The following KIF1B variants were observed in gnomAD, a reference collection of about 807,000 sequenced individuals.
KIF1B encodes the protein kinesin family member 1B.
A neutral mutation model predicts 241.9 loss-of-function variants in KIF1B; 76 were observed. That is an observed-to-expected ratio of 0.31 (90% CI 0.26 to 0.38). The LOEUF is 0.38. Ranked by LOEUF, KIF1B falls within the 10% of genes least tolerant of loss-of-function variation. KIF1B has a pLI of 1.00. For synonymous variants in KIF1B, 750 were observed against 796.7 expected (o/e 0.94, Z 0.99); for missense variants, 1,622 against 2,271.4 (o/e 0.71, Z 5.81).
chr1:10,373,714 GTCT>G (rs1364723148), intron 45 of KIF1B, among the ~76,000 whole-genome samples: 1 of 152,176 alleles, frequency 6.6e-6, no homozygotes, highest in East Asian at 1.9e-4. Flanking sequence ...AGTGGTGCAG[GTCT>G]TCTCTGCACA....
rs1426836510 is a variant in KIF1B, at chr1:10,303,407, A to G, written c.2115+6161A>G. On this transcript the variant is annotated intron_variant, in intron 22 of 48. Transcript: ENST00000676179. The surrounding 1 kb of genome is among the most constrained non-coding windows in gnomAD (Gnocchi z 5.2). Reference sequence around the variant, plus strand: ...TCAGATCTTAAAATTCAGGCTGTCAAAGAGATTTGCTATGAGGTTGCTCTC... The same window carrying G: ...TCAGATCTTAAAATTCAGGCTGTCAGAGAGATTTGCTATGAGGTTGCTCTC... 12 of 1,614,222 alleles carry G rather than the reference A, an allele frequency of 7.4e-6. No homozygotes were observed. Among genetic ancestry groups the G allele is most frequent in the Non-Finnish European group, 1.0e-5 (12 of 1,180,044 alleles).
intron 14 of KIF1B, among the ~76,000 whole-genome samples, chr1:10,279,686 TTCC>T (rs1649304656): frequency 7.6e-6 from 1 of 131,738 alleles, no homozygotes; most frequent in Non-Finnish European, 1.6e-5. Context: ...TAAACGTTTT[TTCC>T]TTTTTTTTTT....
Position 10,295,703 on chromosome 1 carries a change from A to G in KIF1B, c.1714A>G (p.Ser572Gly). The G allele has an allele frequency of 6.2e-7, 1 of 1,613,904 alleles. No individual in the cohort carries two copies. Among genetic ancestry groups the G allele is most frequent in the Non-Finnish European group, 8.5e-7 (1 of 1,179,954 alleles). Residue 572 changes from serine (S) to glycine (G), a missense_variant, in exon 19 of 49, where the codon AGC (serine) becomes GGC (glycine). By Grantham distance (56) the Ser-to-Gly change is moderately conservative. Transcript: ENST00000676179. Reference protein sequence around the residue: ...DAERRQDIVLSGAHIKEEHCI... With the variant: ...DAERRQDIVLGGAHIKEEHCI... The stretch of plus-strand genomic sequence containing the variant: ...TGAGCGGCGCCAGGACATAGTGCTG[A>G]GCGGGGCTCACATTAAAGAAGAGCA...
At chr1:10,265,712 T>G (rs1347423466) in intron 5 of KIF1B, among the ~76,000 whole-genome samples, 5 of 151,978 alleles carry the variant, frequency 3.3e-5, no homozygotes, top group African/African-American at 1.2e-4. Context: ...TAGCTAGGCA[T>G]GGTGGCACGT....
intron 16 of KIF1B, among the ~76,000 whole-genome samples, chr1:10,291,700 ACT>A (rs1395851560): frequency 1.4e-5 from 2 of 144,272 alleles, no homozygotes; most frequent in East Asian, 2.0e-4. Flanking sequence ...TGACAGCAAG[ACT>A]CTGTCTCAAA....
At chr1:10,332,654 T>TA (rs1174049209) in intron 27 of KIF1B, among the ~76,000 whole-genome samples, 14 of 147,274 alleles carry the variant, frequency 9.5e-5, no homozygotes, top group Admixed American at 1.4e-4. Flanking sequence ...TAGCTGGGAC[T>TA]ACAGGCGCCT....
At chr1:10,323,715 T>C (rs535177487) in intron 24 of KIF1B, among the ~76,000 whole-genome samples, 169 bp from the exon 25 acceptor site, 1 of 152,302 alleles carries the variant, frequency 6.6e-6, no homozygotes, top group African/African-American at 2.4e-5. Context: ...GAAGTTAGGG[T>C]TATTCCCTAT....
intron 25 of KIF1B, among the ~76,000 whole-genome samples, 197 bp from the exon 26 acceptor site, chr1:10,324,561 C>G (rs1651652084): frequency 6.6e-6 from 1 of 151,974 alleles, no homozygotes. Context: ...GATGGCTTAT[C>G]TCTAGAATCA....
Position 10,375,220 on chromosome 1 carries a change from AG to A in KIF1B, c.5290-34del, listed in dbSNP as rs750454501. Reference sequence around the variant, plus strand: ...AGGCAGTCCCCATTGCTGTCTCTGTAGTAACTTTCTTGTCTACCTGCATTTT... The same window carrying A: ...AGGCAGTCCCCATTGCTGTCTCTGTATAACTTTCTTGTCTACCTGCATTTT... On this transcript the variant is annotated intron_variant, in intron 47 of 48. Transcript: ENST00000676179. The A allele has an allele frequency of 2.3e-5, 36 of 1,569,878 alleles. No homozygotes were observed. In the East Asian group the frequency reaches 8.1e-4, roughly 35 times the overall value.
At chr1:10,279,173 C>T (rs1431825271) in intron 14 of KIF1B, 35 bp downstream of exon 14, 1 of 1,420,036 alleles carries the variant, frequency 7.0e-7, no homozygotes, top group East Asian at 2.5e-5. Flanking sequence ...TTCCAGTACT[C>T]TGACTTGCTA....
chr1:10,277,633 G>A (rs922839544), intron 12 of KIF1B, among the ~76,000 whole-genome samples: 3 of 152,186 alleles, frequency 2.0e-5, no homozygotes, highest in Non-Finnish European at 4.4e-5. Flanking sequence ...GCTGCCTCCC[G>A]AGGCCTGTAT....
chr1:10,243,483 C>G (rs1647166377), intron 2 of KIF1B, among the ~76,000 whole-genome samples: 1 of 152,232 alleles, frequency 6.6e-6, no homozygotes, highest in Admixed American at 6.5e-5. Context: ...ACAACAAACG[C>G]TTAAGTTGTG....
At chr1:10,345,532 A>G (rs1652557005) in intron 34 of KIF1B, 1 of 361,162 alleles carries the variant, frequency 2.8e-6, no homozygotes, top group East Asian at 6.8e-5. Flanking sequence ...GTGTCACACA[A>G]TCTGAGATTC....
chr1:10,341,262 T>G (rs1255157681), intron 32 of KIF1B, among the ~76,000 whole-genome samples: 2 of 152,164 alleles, frequency 1.3e-5, no homozygotes, highest in Admixed American at 1.3e-4. Context: ...TTAAGTTACT[T>G]TTTGTTGGGG....
At chr1:10,363,489 C>T (rs1638481461) in intron 41 of KIF1B, 145 bp downstream of exon 41, 1 of 694,634 alleles carries the variant, frequency 1.4e-6, no homozygotes. Flanking sequence ...TCCAGGAGTT[C>T]AAGAGCAGCC....
chr1:10,328,940 A>G (rs191762313), intron 27 of KIF1B, among the ~76,000 whole-genome samples: 2 of 152,366 alleles, frequency 1.3e-5, no homozygotes, highest in African/African-American at 4.8e-5. Context: ...CCTGGTTAAG[A>G]CTTCTACTAA....
At chr1:10,270,525 C>T (rs749759009) in intron 7 of KIF1B, among the ~76,000 whole-genome samples, 14 of 152,114 alleles carry the variant, frequency 9.2e-5, no homozygotes, top group East Asian at 1.9e-4. Context: ...TTATTACAAA[C>T]GAAGCTGATG....
intron 44 of KIF1B, 46 bp from the exon 45 acceptor site, chr1:10,371,095 G>C (rs767836625): frequency 1.2e-6 from 2 of 1,613,830 alleles, no homozygotes; most frequent in Non-Finnish European, 1.7e-6. Flanking sequence ...TGTAGAGGCA[G>C]CTTTTTTCAG....
intron 15 of KIF1B, among the ~76,000 whole-genome samples, chr1:10,284,246 C>A (rs1649577593): frequency 6.6e-6 from 1 of 152,040 alleles, no homozygotes; most frequent in Non-Finnish European, 1.5e-5. Context: ...CTCAAAAAAA[C>A]ATGCTTTAGA....
Sources: gnomAD v4.1 joint callset for allele counts (sites outside exome capture counted in the v4.1 genomes callset) on GRCh38, gnomAD v4.1.1 for gene constraint, Gnocchi (gnomAD v3.1) non-coding constraint, MANE v1.5 for transcripts, NCBI Gene and HGNC (gene_info 2026-07-23, HGNC 2026-07-21) for gene names.